Variants in SOX11 observed in about 807,000 individuals in gnomAD.
The protein encoded by SOX11 is SRY-box transcription factor 11.
In SOX11, 5 loss-of-function variants were observed where a neutral mutation model predicts 16.7. The observed-to-expected ratio is 0.30, with a 90% confidence interval of 0.16 to 0.63. The LOEUF (loss-of-function observed/expected upper bound fraction) is 0.63. Among genes scored for constraint, SOX11 ranks in the 20% least tolerant of loss-of-function variants. The probability of loss-of-function intolerance (pLI) is 0.82; values close to 1 mark genes in which losing one functional copy is unlikely to be tolerated. For missense variants in SOX11, 492 were observed against 641.5 expected (o/e 0.77, Z 2.52); for synonymous variants, 363 against 298.8 (o/e 1.21, Z -2.22).
chr2:5,697,085 G>T lies in SOX11; in HGVS notation c.*3038G>T. 6.3e-6 allele frequency: 1 copy of T among 158,592 alleles called. No individual in the cohort carries two copies. The allele number at this position is 158,592 out of a possible 1,614,324, so 9.8% of individuals were successfully genotyped here. On this transcript the variant is annotated 3_prime_UTR_variant, in exon 1 of 1. Coordinates refer to ENST00000322002, the MANE Select transcript of SOX11 (RefSeq NM_003108.4). The stretch of plus-strand genomic sequence containing the variant: ...CAGGCGATCGCGGCCGGGCACGCGC[G>T]CCCCGGGCTCCCGCCCCCCTTCCGA...
chr2:5,693,963 C>T lies in SOX11; in HGVS notation c.1242C>T (p.Pro414=), dbSNP rs1242606721. 1.9e-6 allele frequency: 3 copies of T among 1,551,582 alleles called. No individual in the cohort carries two copies. The highest frequency in any genetic ancestry group is 2.6e-6 in the Non-Finnish European group (3 of 1,147,010). ...GCCTGGGCTCCCACTTCGAGTTCCC[C>T]GACTACTGCACGCCGGAGCTGAGCG... ...EGSLGSHFEF[P]DYCTPELSEM... The change falls in exon 1 of 1, where the codon CCC becomes CCT. Residue 414 remains proline (P), a synonymous_variant. Transcript: ENST00000322002. The surrounding 1 kb of genome is among the most constrained non-coding windows in gnomAD (Gnocchi z 8.6).
At position 5,697,404 on chromosome 2, in the gene SOX11, C is replaced by T. The variant is rs1411488390; in HGVS notation, c.*3357C>T. 6.0e-6 allele frequency: 1 copy of T among 167,078 alleles called. No homozygotes were observed. The highest frequency in any genetic ancestry group is 1.5e-5 in the Non-Finnish European group (1 of 68,226). The allele number at this position is 167,078 out of a possible 1,614,324, so 10.3% of individuals were successfully genotyped here. A position where few individuals can be genotyped will look rare whatever the true frequency, so the allele number is the denominator to read the frequency against. On this transcript the variant is annotated 3_prime_UTR_variant, in exon 1 of 1. Coordinates refer to ENST00000322002, the MANE Select transcript of SOX11 (RefSeq NM_003108.4). Reference sequence around the variant, plus strand: ...AGGGGCCCCGGCGCCCTTCCCGCCTCCCCTCCCGCTTGCTTTTGCCTTACT... The same window carrying T: ...AGGGGCCCCGGCGCCCTTCCCGCCTTCCCTCCCGCTTGCTTTTGCCTTACT...
At position 5,693,684 on chromosome 2, in the gene SOX11, G is replaced by T; in HGVS notation, c.963G>T (p.Gln321His). 30 of 1,598,762 alleles carry T rather than the reference G, an allele frequency of 1.9e-5. No individual in the cohort carries two copies. The highest frequency in any genetic ancestry group is 2.5e-5 in the Non-Finnish European group (30 of 1,177,752). Residue 321 changes from glutamine (Q) to histidine (H), a missense_variant, in exon 1 of 1, where the codon CAG becomes CAT. Transcript: ENST00000322002. The surrounding 1 kb of genome is among the most constrained non-coding windows in gnomAD (Gnocchi z 8.6). Reference protein sequence around the residue: ...LYYSFKNITKQHPPPLAQPAL... With the variant: ...LYYSFKNITKHHPPPLAQPAL... Reference sequence around the variant, plus strand: ...ACAGCTTCAAGAACATCACCAAGCAGCACCCGCCGCCGCTCGCGCAGCCCG... The same window carrying T: ...ACAGCTTCAAGAACATCACCAAGCATCACCCGCCGCCGCTCGCGCAGCCCG...
At position 5,693,418 on chromosome 2, in the gene SOX11, G is replaced by C. The variant is rs1042297449; in HGVS notation, c.697G>C (p.Asp233His). Residue 233 changes from aspartate (D) to histidine (H), a missense_variant, in exon 1 of 1, where the codon GAC (aspartate) becomes CAC (histidine). Physicochemically the swap from Asp to His is moderately conservative, Grantham distance 81 (BLOSUM62 -1). This residue lies in a region of SOX11 where 389 missense variants were observed against 389.0 expected (regional missense o/e 1.00). Coordinates refer to ENST00000322002, the MANE Select transcript of SOX11 (RefSeq NM_003108.4). This position sits in a 1 kb window ranked among gnomAD's most constrained non-coding sequence, Gnocchi z 8.6. ...GGACGACGACGACGACGACGACGAC[G>C]ACGAGCTGCAGCTGCAGATCAAACA... ...DEDDDDDDDD[D>H]ELQLQIKQEP... is the part of the protein sequence containing the mutation. The C allele has an allele frequency of 6.3e-7, 1 of 1,591,262 alleles. No individual in the cohort carries two copies. Among genetic ancestry groups the C allele is most frequent in the Non-Finnish European group, 8.5e-7 (1 of 1,177,150 alleles).
rs1665744588 is a variant in SOX11 at position 5,697,005 on chromosome 2, C to T, written c.*2958C>T. On this transcript the variant is annotated 3_prime_UTR_variant, in exon 1 of 1. Coordinates refer to ENST00000322002, the MANE Select transcript of SOX11 (RefSeq NM_003108.4). ...GTTTGCCTGTCCACACCCCCTCGCT[C>T]CCCACCATTTTTCCTGACCGGCCTG... The T allele has an allele frequency of 6.4e-6, 1 of 155,672 alleles. No individual in the cohort carries two copies. Among genetic ancestry groups the T allele is most frequent in the African/African-American group, 2.4e-5 (1 of 41,428 alleles). The allele number at this position is 155,672 out of a possible 1,614,324, so 9.6% of individuals were successfully genotyped here.
rs1665709615 is a variant in SOX11 at position 5,695,339 on chromosome 2, C to T, written c.*1292C>T. On this transcript the variant is annotated 3_prime_UTR_variant, in exon 1 of 1. Coordinates refer to ENST00000322002, the MANE Select transcript of SOX11 (RefSeq NM_003108.4). ...GTTTAAAGATTGTATATGTACTGTA[C>T]TATAGTAGGACTTTATGTATCTCAT... The T allele has an allele frequency of 6.0e-6, 1 of 166,354 alleles. No individual in the cohort carries two copies. Among genetic ancestry groups the T allele is most frequent in the African/African-American group, 2.4e-5 (1 of 41,168 alleles). The allele number at this position is 166,354 out of a possible 1,614,324, so 10.3% of individuals were successfully genotyped here.
rs1189755341 is a variant in SOX11 at position 5,693,347 on chromosome 2, G to A, written c.626G>A (p.Gly209Asp). 5 of 1,589,482 alleles carry A rather than the reference G, an allele frequency of 3.1e-6. No homozygotes were observed. In the Admixed American group the frequency reaches 6.8e-5, roughly 22 times the overall value. Residue 209 changes from glycine (G) to aspartate (D), a missense_variant, in exon 1 of 1, where the codon GGC becomes GAC. Gly to Asp is a moderately conservative substitution (Grantham distance 94). Coordinates refer to ENST00000322002, the MANE Select transcript of SOX11 (RefSeq NM_003108.4). This position sits in a 1 kb window ranked among gnomAD's most constrained non-coding sequence, Gnocchi z 8.6. ...VLGSLRVSGS[G>D]GGGAGKTVKC... is the part of the protein sequence containing the mutation. ...GGCAGCCTGCGCGTGAGCGGCTCGG[G>A]CGGCGGCGGCGCGGGCAAGACGGTC...
Position 5,693,179 on chromosome 2 carries a change from G to C in SOX11, c.458G>C (p.Gly153Ala). The C allele has an allele frequency of 6.4e-7, 1 of 1,553,976 alleles. No individual in the cohort carries two copies. The highest frequency in any genetic ancestry group is 8.7e-7 in the Non-Finnish European group (1 of 1,152,746). Residue 153 changes from glycine (G) to alanine (A), a missense_variant, in exon 1 of 1, where the codon GGC becomes GCC. Physicochemically the swap from Gly to Ala is moderately conservative, Grantham distance 60. This residue lies in a region of SOX11 where 389 missense variants were observed against 389.0 expected (regional missense o/e 1.00). Transcript: ENST00000322002. The surrounding 1 kb of genome is among the most constrained non-coding windows in gnomAD (Gnocchi z 8.6). ...AGGGGGSAGG[G>A]AGGAKTSKGS... is the part of the protein sequence containing the mutation. Reference sequence around the variant, plus strand: ...GGCGGCGGCGGGAGCGCGGGCGGAGGCGCGGGCGGTGCCAAGACCTCCAAG... The same window carrying C: ...GGCGGCGGCGGGAGCGCGGGCGGAGCCGCGGGCGGTGCCAAGACCTCCAAG...
Position 5,692,563 on chromosome 2 carries a change from C to T in SOX11, c.-159C>T. The stretch of plus-strand genomic sequence containing the variant: ...CCGAAGCCACCACAGCCGCTGTGTG[C>T]AGCCTGGAAGGGGGGGCGGGGGGGA... On this transcript the variant is annotated 5_prime_UTR_variant, in exon 1 of 1. Transcript: ENST00000322002. The T allele has an allele frequency of 1.6e-6, 1 of 607,760 alleles. No homozygotes were observed. Among genetic ancestry groups the T allele is most frequent in the South Asian group, 2.4e-5 (1 of 41,114 alleles). The allele number at this position is 607,760 out of a possible 1,614,324, so 37.6% of individuals were successfully genotyped here.
chr2:5,693,393 GGACGACGACGACGACGAC>G lies in SOX11; in HGVS notation c.684_701del (p.Asp228_Asp233del). On this transcript the variant is annotated inframe_deletion, in exon 1 of 1. Transcript: ENST00000322002. This position sits in a 1 kb window ranked among gnomAD's most constrained non-coding sequence, Gnocchi z 8.6. ...CGGTCAAGTGCGTGTTTCTGGATGA[GGACGACGACGACGACGAC>G]GACGACGACGAGCTGCAGCTGCAGA... 2 of 1,586,452 alleles carry G rather than the reference GGACGACGACGACGACGAC, an allele frequency of 1.3e-6. No individual in the cohort carries two copies. The highest frequency in any genetic ancestry group is 1.7e-6 in the Non-Finnish European group (2 of 1,174,178).
chr2:5,694,943 A>G lies in SOX11; in HGVS notation c.*896A>G, dbSNP rs1307763547. 6.0e-6 allele frequency: 1 copy of G among 166,782 alleles called. No homozygotes were observed. The highest frequency in any genetic ancestry group is 1.5e-5 in the Non-Finnish European group (1 of 68,078). The allele number at this position is 166,782 out of a possible 1,614,324, so 10.3% of individuals were successfully genotyped here. A position where few individuals can be genotyped will look rare whatever the true frequency, so the allele number is the denominator to read the frequency against. ...AATACCAGACAGCCTAGACCTCAGT[A>G]CAAAAGGTATTGAAACATTTTTGAT... On this transcript the variant is annotated 3_prime_UTR_variant, in exon 1 of 1. Coordinates refer to ENST00000322002, the MANE Select transcript of SOX11 (RefSeq NM_003108.4).
rs1376365669 is a variant in SOX11, at chr2:5,697,921, T to A, written c.*3874T>A. 6.0e-6 allele frequency: 1 copy of A among 167,144 alleles called. No individual in the cohort carries two copies. Among genetic ancestry groups the A allele is most frequent in the Non-Finnish European group, 1.5e-5 (1 of 68,136 alleles). The allele number at this position is 167,144 out of a possible 1,614,324, so 10.4% of individuals were successfully genotyped here. ...AAGCCTGAAAACTTGGCATGTCTTT[T>A]CTGTTTTAATCATAGATGAATCTTG... is the stretch of plus-strand genomic sequence containing the variant. On this transcript the variant is annotated 3_prime_UTR_variant, in exon 1 of 1. Transcript: ENST00000322002.
chr2:5,692,813 C>G lies in SOX11; in HGVS notation c.92C>G (p.Pro31Arg). 1 of 1,613,068 alleles carries G rather than the reference C, an allele frequency of 6.2e-7. No individual in the cohort carries two copies. Among genetic ancestry groups the G allele is most frequent in the Non-Finnish European group, 8.5e-7 (1 of 1,179,556 alleles). The change falls in exon 1 of 1, where the codon CCG becomes CGG. Residue 31 changes from proline to arginine, a missense_variant. By Grantham distance (103) the Pro-to-Arg change is moderately radical. Transcript: ENST00000322002. ...GAGGGCGAATTCATGGCTTGCAGCC[C>G]GGTGGCCCTGGACGAGAGCGACCCA... The part of the protein sequence containing the change: ...TEEGEFMACS[P>R]VALDESDPDW...
chr2:5,699,575 C>G lies in SOX11; in HGVS notation c.*5528C>G, dbSNP rs987639541. Reference sequence around the variant, plus strand: ...ATTTAATGATCTGGAAAATTCTGCTCTTTGATAACAACTCAGGATTTTTTT... The same window carrying G: ...ATTTAATGATCTGGAAAATTCTGCTGTTTGATAACAACTCAGGATTTTTTT... On this transcript the variant is annotated 3_prime_UTR_variant, in exon 1 of 1. Transcript: ENST00000322002. The G allele has an allele frequency of 6.0e-6, 1 of 166,868 alleles. No homozygotes were observed. The highest frequency in any genetic ancestry group is 1.5e-5 in the Non-Finnish European group (1 of 68,124). The allele number at this position is 166,868 out of a possible 1,614,324, so 10.3% of individuals were successfully genotyped here.
In SOX11 at chr2:5,701,172, T is replaced by C. The variant is rs939848637; in HGVS notation, c.*7125T>C. The C allele has an allele frequency of 6.0e-6, 1 of 167,070 alleles. No individual in the cohort carries two copies. Among genetic ancestry groups the C allele is most frequent in the Admixed American group, 6.5e-5 (1 of 15,274 alleles). The allele number at this position is 167,070 out of a possible 1,614,324, so 10.3% of individuals were successfully genotyped here. A position where few individuals can be genotyped will look rare whatever the true frequency, so the allele number is the denominator to read the frequency against. ...ATTAAGCATTATTTATTGAAAACTA[T>C]GTATTTTTTTGTAAAAACCTGATCA... is the stretch of plus-strand genomic sequence containing the variant. On this transcript the variant is annotated 3_prime_UTR_variant, in exon 1 of 1. Transcript: ENST00000322002.
Position 5,697,063 on chromosome 2 carries a change from G to T in SOX11, c.*3016G>T. Reference sequence around the variant, plus strand: ...GAGCCCTCGCGGCAGGCCCGAGCAGGCGATCGCGGCCGGGCACGCGCGCCC... The same window carrying T: ...GAGCCCTCGCGGCAGGCCCGAGCAGTCGATCGCGGCCGGGCACGCGCGCCC... On this transcript the variant is annotated 3_prime_UTR_variant, in exon 1 of 1. Transcript: ENST00000322002. 1 of 158,398 alleles carries T rather than the reference G, an allele frequency of 6.3e-6. No homozygotes were observed. The allele number at this position is 158,398 out of a possible 1,614,324, so 9.8% of individuals were successfully genotyped here. A position where few individuals can be genotyped will look rare whatever the true frequency, so the allele number is the denominator to read the frequency against.
rs900177583 is a variant in SOX11, at chr2:5,700,979, A to C, written c.*6932A>C. The C allele has an allele frequency of 6.0e-6, 1 of 166,864 alleles. No homozygotes were observed. The highest frequency in any genetic ancestry group is 2.4e-5 in the African/African-American group (1 of 41,384). 10.3% of individuals were successfully genotyped at this position (166,864 alleles called of 1,614,324 possible). A position where few individuals can be genotyped will look rare whatever the true frequency, so the allele number is the denominator to read the frequency against. On this transcript the variant is annotated 3_prime_UTR_variant, in exon 1 of 1. Coordinates refer to ENST00000322002, the MANE Select transcript of SOX11 (RefSeq NM_003108.4). ...AGCGCACGGCCTATTGCTGTGAAAC[A>C]GAGAGAAGGTAAAGCTACCTGAGGC... is the stretch of plus-strand genomic sequence containing the variant.
chr2:5,694,415 TCC>T lies in SOX11; in HGVS notation c.*369_*370del. On this transcript the variant is annotated 3_prime_UTR_variant, in exon 1 of 1. Transcript: ENST00000322002. ...TGTTTTTGTAATTACTATTTCTTTT[TCC>T]TGAAATTCGTGATTGCAACAAAGGC... The T allele has an allele frequency of 5.4e-6, 1 of 183,948 alleles. No homozygotes were observed. Among genetic ancestry groups the T allele is most frequent in the East Asian group, 1.4e-4 (1 of 7,214 alleles). 11.4% of individuals were successfully genotyped at this position (183,948 alleles called of 1,614,324 possible).
In SOX11 at chr2:5,695,338, A is replaced by G. The variant is rs1271787929; in HGVS notation, c.*1291A>G. The G allele has an allele frequency of 6.0e-6, 1 of 166,874 alleles. No individual in the cohort carries two copies. 10.3% of individuals were successfully genotyped at this position (166,874 alleles called of 1,614,324 possible). A position where few individuals can be genotyped will look rare whatever the true frequency, so the allele number is the denominator to read the frequency against. On this transcript the variant is annotated 3_prime_UTR_variant, in exon 1 of 1. Transcript: ENST00000322002. ...AGTTTAAAGATTGTATATGTACTGT[A>G]CTATAGTAGGACTTTATGTATCTCA...
Sources: allele counts gnomAD v4.1 joint callset, GRCh38; gene constraint gnomAD v4.1.1; regional missense constraint gnomAD v4.1.1; non-coding constraint Gnocchi (gnomAD v3.1); transcripts MANE v1.5; gene names NCBI Gene and HGNC (gene_info 2026-07-23, HGNC 2026-07-21).